USP39: variants seen among roughly 807,000 people sequenced by gnomAD.
The protein encoded by USP39 is ubiquitin carboxyl-terminal hydrolase 39.
In USP39, 38 loss-of-function variants were observed where a neutral mutation model predicts 66.4. The observed-to-expected ratio is 0.57, with a 90% CI of 0.44 to 0.75. USP39 has a LOEUF of 0.75. USP39 is among the 30% of genes least tolerant of loss of function. The probability of loss-of-function intolerance (pLI) is 0.00; values close to 1 mark genes in which losing one functional copy is unlikely to be tolerated. For missense variants in USP39, 608 were observed against 714.4 expected, an observed-to-expected ratio of 0.85 and a Z score of 1.70; for synonymous variants, 303 against 274.6, an observed-to-expected ratio of 1.10 and a Z score of -1.02.
In USP39 at chr2:85,616,331, A is replaced by G. The variant is rs1382389661; in HGVS notation, c.136A>G (p.Ser46Gly). 1 of 1,599,390 alleles carries G rather than the reference A, an allele frequency of 6.3e-7. No individual in the cohort carries two copies. Among genetic ancestry groups the G allele is most frequent in the Admixed American group, 1.7e-5 (1 of 58,956 alleles). Residue 46 changes from serine to glycine, a missense_variant, in exon 1 of 13, where the codon AGC becomes GGC. Coordinates refer to ENST00000323701, the MANE Select transcript of USP39 (RefSeq NM_006590.4). ...REPEAASSRGSPVRVKREFEP... is the reference protein window; with the variant it reads ...REPEAASSRGGPVRVKREFEP... ...GCCTGAGGCGGCGAGCTCCCGGGGC[A>G]GCCCTGTGCGCGTGAAGCGGGAGTT...
chr2:85,618,258 CTT>C (rs918089134), intron 1 of USP39, among the ~76,000 whole-genome samples: 4 of 151,030 alleles, frequency 2.6e-5, no homozygotes, highest in African/African-American at 7.3e-5. Flanking sequence ...CCCAGCCACT[CTT>C]TAAACTACGT....
chr2:85,629,767 G>A (rs1675183194), intron 5 of USP39, among the ~76,000 whole-genome samples: 1 of 152,092 alleles, frequency 6.6e-6, no homozygotes, highest in Admixed American at 6.6e-5. Context: ...AAAGTGCTGG[G>A]ATTACAGGCA....
At chr2:85,630,662 G>A in intron 5 of USP39, 59 bp from the exon 6 acceptor site, 1 of 1,516,432 alleles carries the variant, frequency 6.6e-7, no homozygotes, top group Non-Finnish European at 9.1e-7. Context: ...AATTGGAAGA[G>A]CTTGGCTCAA....
At chr2:85,624,612 A>C (rs1315165384) in intron 4 of USP39, among the ~76,000 whole-genome samples, 1 of 152,220 alleles carries the variant, frequency 6.6e-6, no homozygotes, top group East Asian at 1.9e-4. Flanking sequence ...TCTTTGAAAT[A>C]CTGCTTTTTC....
chr2:85,643,259 G>A (rs554916229), intron 10 of USP39, among the ~76,000 whole-genome samples: 1 of 152,212 alleles, frequency 6.6e-6, no homozygotes, highest in Non-Finnish European at 1.5e-5. Context: ...GGGAGGCCAA[G>A]GCGGGCGGAT....
intron 2 of USP39, 182 bp from the exon 3 acceptor site, chr2:85,621,303 T>A (rs1265375725): frequency 1.8e-6 from 1 of 559,008 alleles, no homozygotes; most frequent in African/African-American, 1.9e-5. Context: ...ACCTCAACAG[T>A]GCTTTGGAGC....
At chr2:85,630,174 G>A (rs751252088) in intron 5 of USP39, among the ~76,000 whole-genome samples, 3 of 151,060 alleles carry the variant, frequency 2.0e-5, no homozygotes, top group South Asian at 2.1e-4. Flanking sequence ...ACACCTTTGC[G>A]TCCTCACAGC....
intron 6 of USP39, 52 bp downstream of exon 6, chr2:85,630,998 A>C (rs1218335216): frequency 6.4e-7 from 1 of 1,568,312 alleles, no homozygotes; most frequent in Non-Finnish European, 8.7e-7. Context: ...TTGATGAACA[A>C]ATTTATTTCC....
chr2:85,637,218 A>T, intron 7 of USP39, 151 bp from the exon 8 acceptor site: 1 of 708,052 alleles, frequency 1.4e-6, no homozygotes, highest in Admixed American at 2.7e-5. Flanking sequence ...CTGGTGGTAT[A>T]TAGTACAAAA....
At position 85,630,628 on chromosome 2, in the gene USP39, C is replaced by T. The variant is rs950985326; in HGVS notation, c.724-93C>T. 2.3e-6 allele frequency: 3 copies of T among 1,276,672 alleles called. No individual in the cohort carries two copies. In the African/African-American group the frequency reaches 4.5e-5, roughly 19 times the overall value. The allele number at this position is 1,276,672 out of a possible 1,614,324, so 79.1% of individuals were successfully genotyped here. On this transcript the variant is annotated intron_variant, in intron 5 of 12. Coordinates refer to ENST00000323701, the MANE Select transcript of USP39 (RefSeq NM_006590.4). The stretch of plus-strand genomic sequence containing the variant: ...CTCTTTAAGGCCATCACAGGCACAT[C>T]ACAAATTCTATTAGGAGAACTTTAA...
intron 11 of USP39, among the ~76,000 whole-genome samples, chr2:85,647,697 A>G (rs1003614957): frequency 6.6e-6 from 1 of 151,858 alleles, no homozygotes; most frequent in African/African-American, 2.4e-5. Flanking sequence ...AACAAAAAAC[A>G]GTGCTTTAAA....
Position 85,616,408 on chromosome 2 carries a change from G to C in USP39, c.213G>C (p.Arg71=). The change falls in exon 1 of 13, where the codon CGG becomes CGC. Residue 71 remains arginine (R), a synonymous_variant. Transcript: ENST00000323701. The part of the protein sequence containing the change: ...EAPASVVPFV[R]VKREREVDED... ...CGGCTTCTGTTGTCCCGTTTGTGCGGGTGAAGCGGGAGCGCGAGGTCGATG... is the reference window on the plus strand; with the variant it reads ...CGGCTTCTGTTGTCCCGTTTGTGCGCGTGAAGCGGGAGCGCGAGGTCGATG... The C allele has an allele frequency of 1.9e-6, 3 of 1,599,960 alleles. No individual in the cohort carries two copies. The highest frequency in any genetic ancestry group is 2.2e-5 in the South Asian group (2 of 89,404).
At chr2:85,612,436 C>G (rs1260165781), upstream of USP39, 34 of 1,420,862 alleles carry the variant, frequency 2.4e-5, no homozygotes, top group Non-Finnish European at 3.2e-5. Context: ...TCTCAGTTTC[C>G]TCATTAGTAA....
At position 85,630,944 on chromosome 2, in the gene USP39, A is replaced by G; in HGVS notation, c.947A>G (p.Gln316Arg). Reference sequence around the variant, plus strand: ...AAGAAGACTTTTCAGATCACCAAACAAGGTAAGAACAAGTCATTCATGTTT... The same window carrying G: ...AAGAAGACTTTTCAGATCACCAAACGAGGTAAGAACAAGTCATTCATGTTT... ...CSKKTFQITK[Q>R]GDGVDFLSWF... Residue 316 changes from glutamine (Q) to arginine (R), a missense_variant and splice_region_variant, in exon 6 of 13, where the codon CAA becomes CGA. Physicochemically the swap from Gln to Arg is conservative, Grantham distance 43. Transcript: ENST00000323701. 6.2e-7 allele frequency: 1 copy of G among 1,613,884 alleles called. No individual in the cohort carries two copies. Among genetic ancestry groups the G allele is most frequent in the South Asian group, 1.1e-5 (1 of 91,048 alleles).
chr2:85,618,965 T>C (rs1674230408), intron 1 of USP39, among the ~76,000 whole-genome samples: 1 of 152,138 alleles, frequency 6.6e-6, no homozygotes, highest in Non-Finnish European at 1.5e-5. Flanking sequence ...AGACGGGGTT[T>C]CACCATAGTT....
chr2:85,624,032 A>G (rs1674660418), intron 4 of USP39, among the ~76,000 whole-genome samples: 1 of 152,170 alleles, frequency 6.6e-6, no homozygotes, highest in Non-Finnish European at 1.5e-5. Flanking sequence ...ATATGGGTGT[A>G]TTCTGATGGG....
intron 9 of USP39, among the ~76,000 whole-genome samples, chr2:85,640,316 TCTCA>T (rs1676129354): frequency 6.8e-6 from 1 of 148,070 alleles, no homozygotes; most frequent in African/African-American, 2.5e-5. Flanking sequence ...TGAGATGGAG[TCTCA>T]CTCTGTTGCC....
Position 85,618,860 on chromosome 2 carries a change from C to T in USP39, c.269-360C>T, listed in dbSNP as rs150768088. 3.0e-3 allele frequency among the ~76,000 whole-genome samples: 454 copies of T among 151,972 alleles called. 3 individuals carry two copies. Among genetic ancestry groups the T allele is most frequent in the African/African-American group, 0.01 (427 of 41,442 alleles). Reference sequence around the variant, plus strand: ...TCTCTGCTCACTGCAACCGCCTTCTCCCAGGTTCAAGCAATTATCCTGCCT... The same window carrying T: ...TCTCTGCTCACTGCAACCGCCTTCTTCCAGGTTCAAGCAATTATCCTGCCT... On this transcript the variant is annotated intron_variant, in intron 1 of 12. Coordinates refer to ENST00000323701, the MANE Select transcript of USP39 (RefSeq NM_006590.4).
At chr2:85,628,180 C>G (rs1381199260) in intron 5 of USP39, among the ~76,000 whole-genome samples, 2 of 152,068 alleles carry the variant, frequency 1.3e-5, no homozygotes, top group Non-Finnish European at 1.5e-5. Flanking sequence ...GAGTCTCGCT[C>G]TGTCACCCAG....
Sources: gnomAD v4.1 joint callset for allele counts (sites outside exome capture counted in the v4.1 genomes callset) on GRCh38, gnomAD v4.1.1 for gene constraint, MANE v1.5 for transcripts, NCBI Gene and HGNC (gene_info 2026-07-23, HGNC 2026-07-21) for gene names.